RP1: variants seen among roughly 807,000 people sequenced by gnomAD.
RP1 encodes oxygen-regulated protein 1.
RP1 carries 16 observed loss-of-function variants against 14.8 expected under a neutral mutation model. The observed-to-expected ratio is 1.08, with a 90% CI of 0.73 to 1.65. RP1 has a LOEUF of 1.65. Among genes scored for constraint, RP1 ranks in the 40% most tolerant of loss-of-function variants. The pLI is 0.00. For synonymous variants in RP1, 876 were observed against 883.6 expected, an observed-to-expected ratio of 0.99 and a Z score of 0.15; for missense variants, 2,631 against 2,535.0, an observed-to-expected ratio of 1.04 and a Z score of -0.81.
chr8:54,843,766 G>A (rs1811847094), intron 25 of RP1, among the ~76,000 whole-genome samples: 3 of 152,132 alleles, frequency 2.0e-5, no homozygotes, highest in African/African-American at 7.2e-5. Context: ...GTCCTGCAGG[G>A]GCTGGTAGCC....
intron 12 of RP1, among the ~76,000 whole-genome samples, chr8:54,697,524 C>T (rs904476692): frequency 7.2e-5 from 11 of 152,106 alleles, no homozygotes; most frequent in African/African-American, 1.9e-4. Flanking sequence ...CATTGCACTC[C>T]AGCCTGGGCA....
intron 3 of RP1, among the ~76,000 whole-genome samples, chr8:54,624,443 CAAAAAAAA>C (rs11332494): frequency 1.6e-4 from 9 of 56,592 alleles, no homozygotes; most frequent in Admixed American, 1.1e-3. Context: ...GACTCTGTCT[CAAAAAAAA>C]AAAAAAAAAA....
intron 22 of RP1, among the ~76,000 whole-genome samples, chr8:54,763,792 T>G (rs1300416143): frequency 6.6e-6 from 1 of 152,214 alleles, no homozygotes; most frequent in Non-Finnish European, 1.5e-5. Context: ...GGAGTGACCC[T>G]GAGGCACATT....
intron 12 of RP1, among the ~76,000 whole-genome samples, chr8:54,685,583 T>C (rs1404867874): frequency 6.6e-6 from 1 of 152,182 alleles, no homozygotes; most frequent in African/African-American, 2.4e-5. Flanking sequence ...TATAGGGCTG[T>C]CCATCCTTCC....
chr8:54,599,770 T>A (rs1320583048), intron 1 of RP1, among the ~76,000 whole-genome samples: 1 of 152,340 alleles, frequency 6.6e-6, no homozygotes, highest in South Asian at 2.1e-4. Flanking sequence ...CTTTTGTCAT[T>A]CAAGTTGAGA....
chr8:54,866,362 A>G (rs547668864), intron 28 of RP1, among the ~76,000 whole-genome samples: 244 of 152,278 alleles, frequency 1.6e-3, no homozygotes, highest in African/African-American at 5.4e-3. Flanking sequence ...GTGAACTCTA[A>G]TGCATTGTAC....
intron 16 of RP1, among the ~76,000 whole-genome samples, chr8:54,725,952 T>A (rs1252479869): frequency 6.6e-6 from 1 of 152,196 alleles, no homozygotes; most frequent in African/African-American, 2.4e-5. Context: ...ATTCATGTAT[T>A]TCAGTAAGGT....
chr8:54,669,984 A>G (rs1807114760), intron 7 of RP1, among the ~76,000 whole-genome samples: 1 of 152,162 alleles, frequency 6.6e-6, no homozygotes, highest in South Asian at 2.1e-4. Flanking sequence ...CTATGTAACA[A>G]ACCGGCACGT....
In RP1 at chr8:54,720,031, G is replaced by C. The variant is rs867110332; in HGVS notation, c.2212-98G>C. On this transcript the variant is annotated intron_variant, in intron 15 of 22. Transcript: ENST00000636932. ...GGCTCTAGATTTATCATAGTGATTC[G>C]AAACGAGACAAAATTATATTCTTTT... The C allele has an allele frequency of 3.0e-5, 31 of 1,017,860 alleles. No homozygotes were observed. In the African/African-American group the frequency reaches 4.7e-4, roughly 15 times the overall value. 63.1% of individuals were successfully genotyped at this position (1,017,860 alleles called of 1,614,324 possible).
chr8:54,630,928 A>T (rs1043601441), downstream of RP1: 2 of 629,226 alleles, frequency 3.2e-6, no homozygotes, highest in Non-Finnish European at 4.0e-6. Context: ...AATAGACTAG[A>T]CTATCAAGTA....
At chr8:54,564,515 T>A (rs1323135393) in intron 1 of RP1, among the ~76,000 whole-genome samples, 8 of 152,242 alleles carry the variant, frequency 5.3e-5, no homozygotes, top group Middle Eastern at 3.2e-3. Context: ...CACTGTCTCA[T>A]GGCACCTTCA....
chr8:54,736,570 T>C (rs1808928702), intron 18 of RP1, among the ~76,000 whole-genome samples: 1 of 152,174 alleles, frequency 6.6e-6, no homozygotes, highest in Non-Finnish European at 1.5e-5. Context: ...GATGACAGAT[T>C]ACAGGCACCA....
chr8:54,865,350 C>T (rs992853712), intron 27 of RP1, among the ~76,000 whole-genome samples: 9 of 151,504 alleles, frequency 5.9e-5, no homozygotes, highest in African/African-American at 2.2e-4. Context: ...TCCTCTCCTT[C>T]CTCCCTTCTT....
At chr8:54,663,870 A>G in intron 7 of RP1, 1 of 1,506,856 alleles carries the variant, frequency 6.6e-7, no homozygotes, top group Non-Finnish European at 8.8e-7. Context: ...ATGCCCTTTG[A>G]TTTTAAAAAG....
Position 54,857,046 on chromosome 8 carries a change from A to T in RP1, c.4009A>T (p.Lys1337Ter). The T allele has an allele frequency of 1.7e-6, 2 of 1,197,170 alleles. No homozygotes were observed. Among genetic ancestry groups the T allele is most frequent in the Non-Finnish European group, 2.1e-6 (2 of 957,420 alleles). The allele number at this position is 1,197,170 out of a possible 1,614,324, so 74.2% of individuals were successfully genotyped here. ...TGTACAGGTTGATATTTTTTCCATT[A>T]AGGCTGTATCTCTCGGAAAATTGAA... is the stretch of plus-strand genomic sequence containing the variant. The change falls in exon 27 of 29, where the codon AAG becomes TAG. Residue 1337 changes from lysine (K) to a stop codon, truncating the protein, a stop_gained. Coordinates refer to the RP1 transcript ENST00000637698. LOFTEE classifies it high-confidence loss of function.
At chr8:54,743,009 G>T (rs547459898) in intron 19 of RP1, among the ~76,000 whole-genome samples, 1 of 152,052 alleles carries the variant, frequency 6.6e-6, no homozygotes, top group Non-Finnish European at 1.5e-5. Context: ...GAGTAAAGTG[G>T]GTAGAACACT....
At chr8:54,690,847 G>A (rs775439537) in intron 12 of RP1, among the ~76,000 whole-genome samples, 2 of 151,964 alleles carry the variant, frequency 1.3e-5, no homozygotes, top group Non-Finnish European at 2.9e-5. Flanking sequence ...TTAAGCTTAT[G>A]TTTTACTCTA....
At chr8:54,809,293 A>T (rs540780114) in intron 24 of RP1, among the ~76,000 whole-genome samples, 1 of 152,158 alleles carries the variant, frequency 6.6e-6, no homozygotes, top group African/African-American at 2.4e-5. Flanking sequence ...TTACTCATAC[A>T]TTCTCTTTCT....
chr8:54,570,817 A>G (rs1387048776), intron 1 of RP1, among the ~76,000 whole-genome samples: 2 of 152,224 alleles, frequency 1.3e-5, no homozygotes, highest in East Asian at 1.9e-4. Flanking sequence ...ATTTTTAAGT[A>G]GAAAACAGAA....
Sources: gnomAD v4.1 joint callset for allele counts (sites outside exome capture counted in the v4.1 genomes callset) on GRCh38, gnomAD v4.1.1 for gene constraint, MANE v1.5 for transcripts, NCBI Gene and HGNC (gene_info 2026-07-23, HGNC 2026-07-21) for gene names.